TMC8: variants seen among roughly 807,000 people sequenced by gnomAD.
The protein encoded by TMC8 is transmembrane channel like 8, also known as transmembrane channel-like protein 8.
TMC8 carries 71 observed loss-of-function variants against 76.0 expected under a neutral mutation model. The ratio of observed to expected loss-of-function variants is 0.93; its 90% CI spans 0.77 to 1.14. The LOEUF is 1.14. TMC8 is among the 50% of genes most tolerant of loss of function. The pLI, the probability that TMC8 is intolerant of heterozygous loss-of-function variation, is 0.00. For synonymous variants in TMC8, 433 were observed against 433.8 expected (o/e 1.00, Z 0.02); for missense variants, 924 against 947.9 (o/e 0.97, Z 0.33).
At chr17:78,134,311 C>G in intron 7 of TMC8, 83 bp from the exon 8 acceptor site, 1 of 1,491,532 alleles carries the variant, frequency 6.7e-7, no homozygotes. Flanking sequence ...ATGGTTGTGA[C>G]TGTGTGTGAG....
chr17:78,133,308 TG>T (rs1309215209), intron 5 of TMC8, 97 bp from the exon 6 acceptor site: 4 of 1,582,660 alleles, frequency 2.5e-6, no homozygotes, highest in Non-Finnish European at 2.6e-6. Context: ...CCCTACCTGA[TG>T]GGGGGATTGC....
rs1417544539 is a variant in TMC8 at position 78,131,889 on chromosome 17, C to G, written c.157C>G (p.Arg53Gly). 4.8e-6 allele frequency: 7 copies of G among 1,459,174 alleles called. No individual in the cohort carries two copies. The highest frequency in any genetic ancestry group is 1.4e-5 in the African/African-American group (1 of 69,382). The allele number at this position is 1,459,174 out of a possible 1,614,324, so 90.4% of individuals were successfully genotyped here. ...GTCACCACCCCCGTCCAGGCAGCTG[C>G]GGGAGCCCGCGGGGGTGCAGACCTT... ...MMDKRLIWQL[R>G]EPAGVQTLRW... Residue 53 changes from arginine to glycine, a missense_variant, in exon 3 of 16, where the codon CGG becomes GGG. By Grantham distance (125) the Arg-to-Gly change is moderately radical. Transcript: ENST00000318430.
chr17:78,134,403 G>A lies in TMC8; in HGVS notation c.826G>A (p.Glu276Lys), dbSNP rs1055220606. ...EISNEFKVEL[E>K]EGRRFQLMQQ... is the part of the protein sequence containing the mutation. ...CCACCCTTCCGGGCAGGTGGAGCTG[G>A]AGGAGGGCCGTCGCTTCCAGCTGAT... The change falls in exon 8 of 16, where the codon GAG becomes AAG. Residue 276 changes from glutamate (E) to lysine (K), a missense_variant. Glu to Lys is a moderately conservative substitution (Grantham distance 56). Coordinates refer to ENST00000318430, the MANE Select transcript of TMC8 (RefSeq NM_152468.5). 1 of 1,611,516 alleles carries A rather than the reference G, an allele frequency of 6.2e-7. No homozygotes were observed. Among genetic ancestry groups the A allele is most frequent in the Non-Finnish European group, 8.5e-7 (1 of 1,179,996 alleles).
In TMC8 at chr17:78,132,879, G is replaced by C; in HGVS notation, c.531+9G>C. 2 of 1,614,128 alleles carry C rather than the reference G, an allele frequency of 1.2e-6. No homozygotes were observed. Among genetic ancestry groups the C allele is most frequent in the Admixed American group, 1.7e-5 (1 of 60,028 alleles). On this transcript the variant is annotated intron_variant, in intron 5 of 15. Transcript: ENST00000318430. ...ATGTTTTGACTGGCAGGGTGAGTGA[G>C]GTCTGTCCCGGCTATGGTCCAGAGT... is the stretch of plus-strand genomic sequence containing the variant.
chr17:78,140,745 A>G lies in TMC8; in HGVS notation c.1903-89A>G. 4.6e-6 allele frequency: 7 copies of G among 1,528,982 alleles called. No individual in the cohort carries two copies. In the Admixed American group the frequency reaches 5.9e-5, roughly 13 times the overall value. 94.7% of individuals were successfully genotyped at this position (1,528,982 alleles called of 1,614,324 possible). A position where few individuals can be genotyped will look rare whatever the true frequency, so the allele number is the denominator to read the frequency against. The stretch of plus-strand genomic sequence containing the variant: ...GGCTACTTTGGGTGCGGGCTGGCCC[A>G]TGGGCCGCAGAGTTGCTGCCGCTGC... On this transcript the variant is annotated intron_variant, in intron 15 of 15. Coordinates refer to ENST00000318430, the MANE Select transcript of TMC8 (RefSeq NM_152468.5).
chr17:78,134,808 G>GGA, intron 8 of TMC8, 62 bp from the exon 9 acceptor site: 2 of 1,608,062 alleles, frequency 1.2e-6, no homozygotes, highest in South Asian at 2.2e-5. Context: ...GCACTGTGGG[G>GGA]GGCGGGGAGC....
chr17:78,139,279 A>G (rs780169583), intron 15 of TMC8, 39 bp downstream of exon 15: 2 of 1,608,938 alleles, frequency 1.2e-6, no homozygotes, highest in South Asian at 1.1e-5. Flanking sequence ...CAGCAGCTTC[A>G]GTGGAAACCC....
At chr17:78,133,810 G>A (rs1467977493) in intron 6 of TMC8, 43 bp from the exon 7 acceptor site, 7 of 1,611,846 alleles carry the variant, frequency 4.3e-6, no homozygotes, top group Admixed American at 1.7e-5. Context: ...CTGGATGGTA[G>A]AGGTGCCCCT....
At chr17:78,131,804 G>A in intron 2 of TMC8, 67 bp downstream of exon 2, 1 of 1,523,492 alleles carries the variant, frequency 6.6e-7, no homozygotes, top group Admixed American at 2.0e-5. Context: ...GTCGGATGGT[G>A]TGGGAGCACC....
At chr17:78,140,500 G>A (rs1316998238) in intron 15 of TMC8, among the ~76,000 whole-genome samples, 1 of 151,610 alleles carries the variant, frequency 6.6e-6, no homozygotes, top group Non-Finnish European at 1.5e-5. Context: ...TGCATGGGGT[G>A]GGACCCTAGT....
At chr17:78,137,418 A>T in intron 10 of TMC8, 60 bp downstream of exon 10, 1 of 1,611,828 alleles carries the variant, frequency 6.2e-7, no homozygotes, top group Non-Finnish European at 8.5e-7. Context: ...AGCTCACCTC[A>T]AACTGTGCAG....
chr17:78,141,153 C>G lies in TMC8; in HGVS notation c.*41C>G. The stretch of plus-strand genomic sequence containing the variant: ...CCCCGAAGCCTCCCTGGGGCCCCTT[C>G]AGGCCTCCTTACTCCATCTTCCAGA... On this transcript the variant is annotated 3_prime_UTR_variant, in exon 16 of 16. Transcript: ENST00000318430. 6.7e-7 allele frequency: 1 copy of G among 1,502,408 alleles called. No homozygotes were observed. The highest frequency in any genetic ancestry group is 8.8e-7 in the Non-Finnish European group (1 of 1,132,502). 93.1% of individuals were successfully genotyped at this position (1,502,408 alleles called of 1,614,324 possible).
rs763625834 is a variant in TMC8, at chr17:78,138,381, G to A, written c.1566G>A (p.Ser522=). ...YTLLKNSRAS[S]RPFRASSSTF... ...TCCTGAAGAACTCCAGGGCATCTTCGCGGCCCTTCCGTGCCTCCAGCTCCA... is the reference window on the plus strand; with the variant it reads ...TCCTGAAGAACTCCAGGGCATCTTCACGGCCCTTCCGTGCCTCCAGCTCCA... The change falls in exon 13 of 16, where the codon TCG becomes TCA. Residue 522 remains serine, a synonymous_variant. Transcript: ENST00000318430. 55 of 1,611,528 alleles carry A rather than the reference G, an allele frequency of 3.4e-5. No individual in the cohort carries two copies. In the Admixed American group the frequency reaches 5.2e-4, roughly 15 times the overall value.
chr17:78,133,045 GC>G (rs1223637672), intron 5 of TMC8, among the ~76,000 whole-genome samples, 175 bp downstream of exon 5: 1 of 152,190 alleles, frequency 6.6e-6, no homozygotes, highest in East Asian at 1.9e-4. Context: ...AGAGGCTGAG[GC>G]CACTGTGCCC....
rs571238694 is a variant in TMC8 at position 78,131,768 on chromosome 17, T to TGG, written c.149+38_149+39dup. The TGG allele has an allele frequency of 3.7e-3, 5,836 of 1,561,014 alleles. 129 individuals carry two copies. The African/African-American group carries it at 0.067, about 18-fold the overall frequency. On this transcript the variant is annotated intron_variant, in intron 2 of 15. Coordinates refer to ENST00000318430, the MANE Select transcript of TMC8 (RefSeq NM_152468.5). ...TGCCACGCGGGCGCCAGACGGTGCG[T>TGG]GGGGGGGGTGCTGCGAGGCTGCCCC...
At position 78,141,198 on chromosome 17, in the gene TMC8, C is replaced by A; in HGVS notation, c.*86C>A. On this transcript the variant is annotated 3_prime_UTR_variant, in exon 16 of 16. Transcript: ENST00000318430. ...TCCAGACCCCTGGCGACCACCGCCC[C>A]TCTCAGTGGCTCCAGGGCCTCCCTC... 1 of 782,530 alleles carries A rather than the reference C, an allele frequency of 1.3e-6. No individual in the cohort carries two copies. Among genetic ancestry groups the A allele is most frequent in the Admixed American group, 3.0e-5 (1 of 33,764 alleles). The allele number at this position is 782,530 out of a possible 1,614,324, so 48.5% of individuals were successfully genotyped here. A position where few individuals can be genotyped will look rare whatever the true frequency, so the allele number is the denominator to read the frequency against.
At chr17:78,139,125 C>A in intron 14 of TMC8, 37 bp from the exon 15 acceptor site, 1 of 1,612,042 alleles carries the variant, frequency 6.2e-7, no homozygotes, top group South Asian at 1.1e-5. Flanking sequence ...CCTGTGGCCC[C>A]AGGGGCAACT....
Position 78,131,916 on chromosome 17 carries a change from C to A in TMC8, c.184C>A (p.Arg62Ser). 1 of 1,495,740 alleles carries A rather than the reference C, an allele frequency of 6.7e-7. No homozygotes were observed. Among genetic ancestry groups the A allele is most frequent in the Non-Finnish European group, 8.9e-7 (1 of 1,128,744 alleles). 92.7% of individuals were successfully genotyped at this position (1,495,740 alleles called of 1,614,324 possible). The change falls in exon 3 of 16, where the codon CGC (arginine) becomes AGC (serine). Residue 62 changes from arginine (R) to serine (S), a missense_variant. Physicochemically the swap from Arg to Ser is moderately radical, Grantham distance 110. Coordinates refer to ENST00000318430, the MANE Select transcript of TMC8 (RefSeq NM_152468.5). ...LREPAGVQTL[R>S]WQRWQRRRQT... ...GGAGCCCGCGGGGGTGCAGACCTTG[C>A]GCTGGCAGCGGTGGCAGCGCCGGCG...
chr17:78,132,933 G>A, intron 5 of TMC8, 63 bp downstream of exon 5: 1 of 1,571,718 alleles, frequency 6.4e-7, no homozygotes, highest in Non-Finnish European at 8.8e-7. Flanking sequence ...TGGCTTCAGG[G>A]GACACAAGTC....
Sources: allele counts gnomAD v4.1 joint callset (sites outside exome capture counted in the v4.1 genomes callset), GRCh38; gene constraint gnomAD v4.1.1; transcripts MANE v1.5; gene names NCBI Gene and HGNC (gene_info 2026-07-23, HGNC 2026-07-21).